Variants in SLC34A2 observed in about 807,000 individuals in gnomAD.
SLC34A2 encodes sodium-dependent phosphate transport protein 2B.
Under a neutral mutation model 50.8 loss-of-function variants are expected in SLC34A2, and 41 were observed. That is an observed-to-expected ratio of 0.81 (90% CI 0.63 to 1.05). The LOEUF (loss-of-function observed/expected upper bound fraction) is 1.05. Ranked by LOEUF, SLC34A2 falls within the 50% of genes least tolerant of loss-of-function variation. SLC34A2 has a pLI of 0.00. For synonymous variants in SLC34A2, 401 were observed against 364.2 expected (o/e 1.10, Z -1.15); for missense variants, 879 against 876.7 (o/e 1.00, Z -0.03).
At chr4:25,666,785 C>G (rs185584491) in intron 5 of SLC34A2, 1 of 154,538 alleles carries the variant, frequency 6.5e-6, no homozygotes, top group East Asian at 1.9e-4. Context: ...ACAAATTGCT[C>G]TGGGACAACC....
intron 4 of SLC34A2, chr4:25,665,223 T>C (rs1405286406): frequency 1.7e-5 from 3 of 180,360 alleles, no homozygotes; most frequent in African/African-American, 2.4e-5. Context: ...CTGGAGTGCA[T>C]TGGCGTGATC....
intron 8 of SLC34A2, among the ~76,000 whole-genome samples, chr4:25,671,361 A>C (rs1714805122): frequency 6.6e-6 from 1 of 152,048 alleles, no homozygotes; most frequent in Admixed American, 6.6e-5. Flanking sequence ...AAGACTGGAG[A>C]CTAGAATAAA....
chr4:25,676,293 G>C lies in SLC34A2; in HGVS notation c.1617G>C (p.Leu539=). The C allele has an allele frequency of 6.2e-7, 1 of 1,614,158 alleles. No individual in the cohort carries two copies. Among genetic ancestry groups the C allele is most frequent in the Non-Finnish European group, 8.5e-7 (1 of 1,180,038 alleles). The change falls in exon 13 of 13, where the codon CTG becomes CTC. Residue 539 remains leucine, a synonymous_variant. Transcript: ENST00000382051. ...TCTACCTGATCATCTTCTTCTTCCT[G>C]ATCCCGCTGACGGTGTTTGGCCTCT... ...AVFYLIIFFF[L]IPLTVFGLSL...
chr4:25,663,144 T>C (rs926030792), intron 3 of SLC34A2, among the ~76,000 whole-genome samples: 1 of 152,028 alleles, frequency 6.6e-6, no homozygotes, highest in African/African-American at 2.4e-5. Flanking sequence ...TTAATAGAGA[T>C]GGGGTTTCAC....
Position 25,669,555 on chromosome 4 carries a change from A to G in SLC34A2, c.636-92A>G, listed in dbSNP as rs112771422. On this transcript the variant is annotated intron_variant, in intron 6 of 12. Transcript: ENST00000382051. ...CACACTTCCATAGGTGACACCTAGCAGAGGGTGGCAGATGATACAGGTAAT... is the reference window on the plus strand; with the variant it reads ...CACACTTCCATAGGTGACACCTAGCGGAGGGTGGCAGATGATACAGGTAAT... The G allele has an allele frequency of 3.8e-4, 411 of 1,084,510 alleles. 6 individuals are homozygous for G. The African/African-American group carries it at 5.5e-3, about 15-fold the overall frequency. 67.2% of individuals were successfully genotyped at this position (1,084,510 alleles called of 1,614,324 possible).
intron 5 of SLC34A2, chr4:25,667,133 A>T (rs1417534852): frequency 2.6e-5 from 4 of 152,282 alleles, no homozygotes; most frequent in Non-Finnish European, 4.4e-5. Context: ...TTACTTGTTT[A>T]TATCAAAAAA....
In SLC34A2 at chr4:25,676,474, C is replaced by T. The variant is rs770112348; in HGVS notation, c.1798C>T (p.Leu600=). 2 of 1,614,218 alleles carry T rather than the reference C, an allele frequency of 1.2e-6. No homozygotes were observed. Among genetic ancestry groups the T allele is most frequent in the Non-Finnish European group, 1.7e-6 (2 of 1,180,054 alleles). ...WNFLPLWMRS[L]KPWDAVVSKF... ...CTTCCTGCCGCTGTGGATGCGCTCGCTGAAGCCCTGGGATGCCGTCGTCTC... is the reference window on the plus strand; with the variant it reads ...CTTCCTGCCGCTGTGGATGCGCTCGTTGAAGCCCTGGGATGCCGTCGTCTC... Residue 600 remains leucine (L), a synonymous_variant, in exon 13 of 13, where the codon CTG becomes TTG. Coordinates refer to ENST00000382051, the MANE Select transcript of SLC34A2 (RefSeq NM_006424.3).
intron 10 of SLC34A2, 29 bp from the exon 11 acceptor site, chr4:25,674,267 C>T: frequency 6.3e-7 from 1 of 1,578,842 alleles, no homozygotes. Context: ...CCCGGAGAGG[C>T]CATGACATCT....
chr4:25,659,249 T>A (rs1188387484), intron 1 of SLC34A2, among the ~76,000 whole-genome samples: 1 of 152,106 alleles, frequency 6.6e-6, no homozygotes, highest in Non-Finnish European at 1.5e-5. Flanking sequence ...TCAGTTTCTT[T>A]GTCTGTACAC....
At chr4:25,669,570 A>G (rs1390620135) in intron 6 of SLC34A2, 77 bp from the exon 7 acceptor site, 1 of 1,276,548 alleles carries the variant, frequency 7.8e-7, no homozygotes, top group Non-Finnish European at 1.1e-6. Context: ...GTGGCAGATG[A>G]TACAGGTAAT....
rs776360359 is a variant in SLC34A2, at chr4:25,666,080, C to T, written c.380-48C>T. On this transcript the variant is annotated intron_variant, in intron 4 of 12. Transcript: ENST00000382051. ...GTTTACTCAGTGCCCACCTAATCCC[C>T]CTCGATCACGTTGTGATTGTTTTTG... is the stretch of plus-strand genomic sequence containing the variant. 8 of 1,606,148 alleles carry T rather than the reference C, an allele frequency of 5.0e-6. No homozygotes were observed. In the East Asian group the frequency reaches 8.9e-5, roughly 18 times the overall value.
intron 1 of SLC34A2, among the ~76,000 whole-genome samples, chr4:25,659,296 G>A (rs535979441): frequency 9.9e-4 from 150 of 152,152 alleles, no homozygotes; most frequent in African/African-American, 3.4e-3. Flanking sequence ...GATTTAATGA[G>A]GTCACAAACT....
intron 4 of SLC34A2, chr4:25,664,839 G>A (rs2109050911): frequency 4.2e-6 from 1 of 237,228 alleles, no homozygotes; most frequent in Non-Finnish European, 8.3e-6. Flanking sequence ...GTCACCATGT[G>A]CTTGGTTCCC....
intron 1 of SLC34A2, among the ~76,000 whole-genome samples, chr4:25,657,153 C>A (rs774978507): frequency 1.3e-5 from 2 of 152,124 alleles, no homozygotes; most frequent in African/African-American, 4.8e-5. Context: ...CCAAATTGCT[C>A]AACTGTCTCA....
intron 9 of SLC34A2, 66 bp from the exon 10 acceptor site, chr4:25,673,021 A>G (rs1714899708): frequency 4.6e-6 from 7 of 1,529,076 alleles, no homozygotes; most frequent in Non-Finnish European, 4.5e-6. Flanking sequence ...ATCTGGGGGA[A>G]TAAATAACAA....
At chr4:25,674,796 C>T (rs990079908) in intron 12 of SLC34A2, among the ~76,000 whole-genome samples, 167 bp downstream of exon 12, 2 of 152,190 alleles carry the variant, frequency 1.3e-5, no homozygotes, top group African/African-American at 4.8e-5. Flanking sequence ...GATATGAGAA[C>T]AATCAAAACT....
intron 4 of SLC34A2, 122 bp downstream of exon 4, chr4:25,664,452 C>G: frequency 2.0e-6 from 2 of 1,015,258 alleles, no homozygotes; most frequent in Non-Finnish European, 3.1e-6. Flanking sequence ...GGACTGGAAC[C>G]GACCTCAGAT....
chr4:25,664,779 C>A, intron 4 of SLC34A2: 1 of 273,578 alleles, frequency 3.7e-6, no homozygotes, highest in Non-Finnish European at 7.0e-6. Flanking sequence ...CTTACCTTCA[C>A]AGCCCTTAGG....
In SLC34A2 at chr4:25,676,545, CG is replaced by C. The variant is rs1189620905; in HGVS notation, c.1870del (p.Val624CysfsTer45). ...FQMRCCCCCR[V>X]CCRACCLLCD... ...AGATGCGCTGCTGCTGCTGCTGCCGCGTGTGCTGCCGCGCGTGCTGCTTGCT... is the reference window on the plus strand; with the variant it reads ...AGATGCGCTGCTGCTGCTGCTGCCGCTGTGCTGCCGCGCGTGCTGCTTGCT... On this transcript the variant is annotated frameshift_variant, in exon 13 of 13. Transcript: ENST00000382051. LOFTEE classifies it low-confidence loss of function (END_TRUNC). 6.2e-6 allele frequency: 10 copies of C among 1,613,168 alleles called. No homozygotes were observed. The highest frequency in any genetic ancestry group is 7.6e-6 in the Non-Finnish European group (9 of 1,179,450).
Sources: gnomAD v4.1 joint callset for allele counts (sites outside exome capture counted in the v4.1 genomes callset) on GRCh38, gnomAD v4.1.1 for gene constraint, MANE v1.5 for transcripts, NCBI Gene and HGNC (gene_info 2026-07-23, HGNC 2026-07-21) for gene names.